GABBR2: variants seen among roughly 807,000 people sequenced by gnomAD.
GABBR2 encodes G-protein coupled receptor 51.
Under a neutral mutation model 105.6 loss-of-function variants are expected in GABBR2, and 23 were observed. The observed-to-expected ratio is 0.22, with a 90% CI of 0.16 to 0.31. The LOEUF is 0.31. Ranked by LOEUF, GABBR2 falls within the 10% of genes least tolerant of loss-of-function variation. GABBR2 has a pLI of 1.00. For missense variants in GABBR2, 734 were observed against 1,245.5 expected (o/e 0.59, Z 6.18); for synonymous variants, 478 against 499.7 (o/e 0.96, Z 0.58).
At chr9:98,575,379 A>G (rs895740048) in intron 2 of GABBR2, among the ~76,000 whole-genome samples, 1 of 152,176 alleles carries the variant, frequency 6.6e-6, no homozygotes, top group South Asian at 2.1e-4. Context: ...ACCAGGAATG[A>G]CAAGTAATCA....
At chr9:98,380,377 C>G (rs368385657) in intron 11 of GABBR2, among the ~76,000 whole-genome samples, 23 of 152,352 alleles carry the variant, frequency 1.5e-4, no homozygotes, top group Non-Finnish European at 2.8e-4. Context: ...ACTCCTCCCC[C>G]GCTCGAGCTG....
intron 3 of GABBR2, among the ~76,000 whole-genome samples, chr9:98,519,529 C>T (rs7048239): frequency 0.35 from 52,775 of 152,110 alleles, 9,418 homozygotes; most frequent in Middle Eastern, 0.5. Flanking sequence ...TCACTCCTTG[C>T]GGGCATGGGT....
chr9:98,315,768 T>A (rs1028407894), intron 13 of GABBR2, among the ~76,000 whole-genome samples: 35 of 152,344 alleles, frequency 2.3e-4, no homozygotes, highest in African/African-American at 8.2e-4. Flanking sequence ...GATTACCCTC[T>A]GCTGGGGACA....
chr9:98,365,266 G>A (rs745702532), intron 12 of GABBR2, among the ~76,000 whole-genome samples: 5 of 152,138 alleles, frequency 3.3e-5, no homozygotes, highest in African/African-American at 4.8e-5. Context: ...ATGAGATGAG[G>A]TATGGAAAGC....
chr9:98,639,190 T>C (rs897514485), intron 1 of GABBR2, among the ~76,000 whole-genome samples: 3 of 152,062 alleles, frequency 2.0e-5, no homozygotes, highest in Non-Finnish European at 4.4e-5. Flanking sequence ...GGTGAGTGGG[T>C]CACTCCATCC....
chr9:98,304,692 C>T (rs1411905410), intron 15 of GABBR2, among the ~76,000 whole-genome samples: 1 of 152,182 alleles, frequency 6.6e-6, no homozygotes, highest in East Asian at 1.9e-4. Flanking sequence ...ATGATCTTTC[C>T]TCTCCCCTGC....
At chr9:98,624,273 C>T (rs1220112603) in intron 1 of GABBR2, among the ~76,000 whole-genome samples, 1 of 152,150 alleles carries the variant, frequency 6.6e-6, no homozygotes, top group Non-Finnish European at 1.5e-5. Flanking sequence ...GCAGACAGGG[C>T]CAGGGCCTAC....
At chr9:98,330,662 C>A (rs569674427) in intron 13 of GABBR2, among the ~76,000 whole-genome samples, 2 of 152,186 alleles carry the variant, frequency 1.3e-5, no homozygotes, top group African/African-American at 4.8e-5. Flanking sequence ...AAGAGCATGT[C>A]CCCCTCTCTC....
chr9:98,547,673 G>A lies in GABBR2; in HGVS notation c.460-5630C>T, dbSNP rs1307898479. On this transcript the variant is annotated intron_variant, in intron 2 of 18. Transcript: ENST00000259455. ...CCACAGCCCTAGCTGTAGGACATAA[G>A]TATTCTCATTTCTTCACATCCTGGC... is the stretch of plus-strand genomic sequence containing the variant. 4.1e-5 allele frequency among the ~76,000 whole-genome samples: 5 copies of A among 121,736 alleles called. 1 individual carries two copies. The highest frequency in any genetic ancestry group is 2.7e-4 in the Admixed American group (3 of 11,076). 79.9% of individuals were successfully genotyped at this position (121,736 alleles called of 152,430 possible). A position where few individuals can be genotyped will look rare whatever the true frequency, so the allele number is the denominator to read the frequency against.
chr9:98,627,600 G>A (rs1419351633), intron 1 of GABBR2, among the ~76,000 whole-genome samples: 1 of 152,266 alleles, frequency 6.6e-6, no homozygotes, highest in Non-Finnish European at 1.5e-5. Context: ...AGGCTATGTT[G>A]TGAAGTAGTG....
chr9:98,603,169 G>A (rs565277617), intron 1 of GABBR2, among the ~76,000 whole-genome samples: 18 of 152,270 alleles, frequency 1.2e-4, no homozygotes, highest in African/African-American at 2.4e-4. Flanking sequence ...TCTCTGCCCC[G>A]TCTCCTACAG....
rs756618371 is a variant in GABBR2 at position 98,299,300 on chromosome 9, C to T, written c.2466G>A (p.Lys822=). 17 of 1,613,868 alleles carry T rather than the reference C, an allele frequency of 1.1e-5. No individual in the cohort carries two copies. Among genetic ancestry groups the T allele is most frequent in the African/African-American group, 9.3e-5 (7 of 74,916 alleles). The change falls in exon 17 of 19, where the codon AAG becomes AAA. Residue 822 remains lysine, a synonymous_variant. Transcript: ENST00000259455. Reference sequence around the variant, plus strand: ...AGTGGTTCTGTTTAATGTAGGTGGTCTTTTCTGGTGTGTCCTGCAGCTGCA... The same window carrying T: ...AGTGGTTCTGTTTAATGTAGGTGGTTTTTTCTGGTGTGTCCTGCAGCTGCA... ...VTMQLQDTPE[K]TTYIKQNHYQ...
chr9:98,703,961 A>G (rs1318466154), intron 1 of GABBR2, among the ~76,000 whole-genome samples: 1 of 152,106 alleles, frequency 6.6e-6, no homozygotes, highest in Admixed American at 6.6e-5. Context: ...ATATATATAT[A>G]TAAAGTGTAT....
Position 98,323,578 on chromosome 9 carries a change from C to T in GABBR2, c.1894-12373G>A, listed in dbSNP as rs530120293. ...GGGCTTGGGGTCAGATCTGTGGCCCCTAAAGTGAGTAGAGCTCCCAGAGGG... is the reference window on the plus strand; with the variant it reads ...GGGCTTGGGGTCAGATCTGTGGCCCTTAAAGTGAGTAGAGCTCCCAGAGGG... On this transcript the variant is annotated intron_variant, in intron 13 of 18. Coordinates refer to ENST00000259455, the MANE Select transcript of GABBR2 (RefSeq NM_005458.8). 4.7e-4 allele frequency among the ~76,000 whole-genome samples: 72 copies of T among 152,300 alleles called. No homozygotes were observed. In the Middle Eastern group the frequency reaches 0.01, roughly 22 times the overall value.
intron 1 of GABBR2, among the ~76,000 whole-genome samples, chr9:98,692,628 C>T (rs149586884): frequency 6.6e-6 from 1 of 152,338 alleles, no homozygotes; most frequent in East Asian, 1.9e-4. Flanking sequence ...CATGCCTGGC[C>T]GCTGTGGGTG....
rs569254401 is a variant in GABBR2, at chr9:98,421,149, G to A, written c.1237-15008C>T. On this transcript the variant is annotated intron_variant, in intron 7 of 18. Coordinates refer to ENST00000259455, the MANE Select transcript of GABBR2 (RefSeq NM_005458.8). ...TGTGGCATATTTTAAATTTCTGAGG[G>A]AAACAGTGATATTTAACATTGATCA... Among the ~76,000 whole-genome samples the A allele has an allele frequency of 7.2e-5, 11 of 152,268 alleles. No homozygotes were observed. In the South Asian group the frequency reaches 2.3e-3, roughly 32 times the overall value.
chr9:98,300,993 G>A (rs1394510237), intron 16 of GABBR2, among the ~76,000 whole-genome samples: 4 of 152,198 alleles, frequency 2.6e-5, no homozygotes, highest in African/African-American at 7.2e-5. Context: ...ACACGTGAAG[G>A]TTCCTGGAGC....
intron 13 of GABBR2, among the ~76,000 whole-genome samples, chr9:98,329,952 A>G (rs1022319828): frequency 6.6e-6 from 1 of 152,170 alleles, no homozygotes; most frequent in African/African-American, 2.4e-5. Context: ...ACACTTCAGC[A>G]TGAATGTACA....
rs150963564 is a variant in GABBR2, at chr9:98,484,135, C to T, written c.733-3138G>A. ...CCACTTCTTGAGTAGATCGAGGGAC[C>T]CACATCTTCATAGCTGACCTCCTGA... On this transcript the variant is annotated intron_variant, in intron 4 of 18. Coordinates refer to ENST00000259455, the MANE Select transcript of GABBR2 (RefSeq NM_005458.8). 1.3e-3 allele frequency among the ~76,000 whole-genome samples: 190 copies of T among 151,790 alleles called. 1 individual carries two copies. Among genetic ancestry groups the T allele is most frequent in the African/African-American group, 3.7e-3 (153 of 41,362 alleles).
Sources: allele counts gnomAD v4.1 joint callset (sites outside exome capture counted in the v4.1 genomes callset), GRCh38; gene constraint gnomAD v4.1.1; transcripts MANE v1.5; gene names NCBI Gene and HGNC (gene_info 2026-07-23, HGNC 2026-07-21).